The following CCDC3 variants were observed in gnomAD, a reference collection of about 807,000 sequenced individuals.
CCDC3 encodes coiled-coil domain-containing protein 3.
In CCDC3, 24 loss-of-function variants were observed where a neutral mutation model predicts 21.4. That is an observed-to-expected ratio of 1.12 (90% CI 0.81 to 1.58). The LOEUF (loss-of-function observed/expected upper bound fraction) is 1.58. CCDC3 is among the 40% of genes most tolerant of loss of function. CCDC3 has a pLI of 0.00. For missense variants in CCDC3, 425 were observed against 360.9 expected (o/e 1.18, Z -1.44); for synonymous variants, 186 against 166.0 (o/e 1.12, Z -0.93).
chr10:12,930,441 T>C (rs1410357614), intron 2 of CCDC3, among the ~76,000 whole-genome samples: 1 of 152,204 alleles, frequency 6.6e-6, no homozygotes, highest in Non-Finnish European at 1.5e-5. Flanking sequence ...AGAGTTCCCC[T>C]TGATTTACAA....
chr10:12,914,580 G>A (rs1564281361), intron 2 of CCDC3, among the ~76,000 whole-genome samples: 1 of 152,090 alleles, frequency 6.6e-6, no homozygotes, highest in Non-Finnish European at 1.5e-5. Flanking sequence ...AAGCAGCTGG[G>A]ACTACAGGCA....
At chr10:12,979,803 G>T (rs1296453732) in intron 2 of CCDC3, among the ~76,000 whole-genome samples, 3 of 152,126 alleles carry the variant, frequency 2.0e-5, no homozygotes, top group Non-Finnish European at 4.4e-5. Context: ...TTGCTTTTTG[G>T]TTAATGATAT....
intron 3 of CCDC3, among the ~76,000 whole-genome samples, chr10:13,090,091 C>CT (rs1231936142): frequency 0.061 from 6,485 of 106,296 alleles, 407 homozygotes; most frequent in Middle Eastern, 0.094. Flanking sequence ...CCGTTTCTTT[C>CT]TTTTTTTTTT....
intron 5 of CCDC3, among the ~76,000 whole-genome samples, chr10:13,048,163 AT>A (rs957085685): frequency 6.6e-6 from 1 of 151,794 alleles, no homozygotes; most frequent in Non-Finnish European, 1.5e-5. Context: ...TTTAAGCTTA[AT>A]TTTTTTTCTT....
chr10:13,080,808 T>C (rs1260507969), intron 3 of CCDC3, among the ~76,000 whole-genome samples: 1 of 152,194 alleles, frequency 6.6e-6, no homozygotes, highest in African/African-American at 2.4e-5. Flanking sequence ...GGCCAGGCAG[T>C]TGTTAGACAG....
At chr10:13,076,159 G>A (rs1045371104) in intron 3 of CCDC3, among the ~76,000 whole-genome samples, 5 of 152,202 alleles carry the variant, frequency 3.3e-5, no homozygotes, top group African/African-American at 1.2e-4. Flanking sequence ...CTCAGTATGG[G>A]CAGAAGAGTC....
intron 2 of CCDC3, among the ~76,000 whole-genome samples, chr10:12,989,701 C>A (rs111438500): frequency 1.3e-5 from 2 of 152,094 alleles, no homozygotes; most frequent in Non-Finnish European, 2.9e-5. Flanking sequence ...GGATTACAGG[C>A]GTGAGCCACT....
chr10:12,954,270 T>A (rs1835051344), intron 2 of CCDC3, among the ~76,000 whole-genome samples: 1 of 152,194 alleles, frequency 6.6e-6, no homozygotes, highest in Non-Finnish European at 1.5e-5. Context: ...CCATTATCTG[T>A]CCTATCCCAA....
chr10:12,932,953 A>G (rs367879624), intron 2 of CCDC3, among the ~76,000 whole-genome samples: 6 of 152,156 alleles, frequency 3.9e-5, no homozygotes, highest in African/African-American at 1.4e-4. Context: ...GTCATGATGA[A>G]TTGCATTAAT....
chr10:13,086,797 A>T (rs1837117129), intron 3 of CCDC3, among the ~76,000 whole-genome samples: 1 of 152,090 alleles, frequency 6.6e-6, no homozygotes, highest in Non-Finnish European at 1.5e-5. Context: ...CTAGTTTTCA[A>T]ATTTGTCACC....
intron 2 of CCDC3, among the ~76,000 whole-genome samples, chr10:12,944,584 T>C (rs1040476570): frequency 1.4e-5 from 2 of 145,404 alleles, no homozygotes; most frequent in Admixed American, 7.3e-5. Flanking sequence ...CCACCCACTT[T>C]GGGCACATGT....
In CCDC3 at chr10:12,966,038, C is replaced by A. The variant is rs924025202; in HGVS notation, c.549+32300G>T. On this transcript the variant is annotated intron_variant, in intron 2 of 2. Coordinates refer to ENST00000378825, the MANE Select transcript of CCDC3 (RefSeq NM_031455.4). ...CAGGCATTTTCTTAGGTCCCCTTTG[C>A]AAGCCTTTCACGAGATGTTCCCAAG... Among the ~76,000 whole-genome samples, 4 of 152,164 alleles carry A rather than the reference C, an allele frequency of 2.6e-5. No homozygotes were observed. In the East Asian group the frequency reaches 7.8e-4, roughly 30 times the overall value.
Position 13,001,594 on chromosome 10 carries a change from G to C in CCDC3, c.-24C>G, listed in dbSNP as rs546793450. The C allele has an allele frequency of 8.6e-7, 1 of 1,160,066 alleles. No individual in the cohort carries two copies. Among genetic ancestry groups the C allele is most frequent in the African/African-American group, 1.6e-5 (1 of 61,514 alleles). 71.9% of individuals were successfully genotyped at this position (1,160,066 alleles called of 1,614,324 possible). ...ATGCCGGGCCCTCCCGGGGCGCACGGGGCGGCGGCGGGGAGCCCGGGGAGC... is the reference window on the plus strand; with the variant it reads ...ATGCCGGGCCCTCCCGGGGCGCACGCGGCGGCGGCGGGGAGCCCGGGGAGC... On this transcript the variant is annotated 5_prime_UTR_variant, in exon 1 of 3. Transcript: ENST00000378825.
At chr10:12,921,072 TATG>T (rs1402585316) in intron 2 of CCDC3, among the ~76,000 whole-genome samples, 5 of 152,050 alleles carry the variant, frequency 3.3e-5, no homozygotes, top group Non-Finnish European at 5.9e-5. Context: ...AGCTACATAT[TATG>T]ATATTTGCCT....
chr10:12,910,999 A>G (rs117416659), intron 2 of CCDC3, among the ~76,000 whole-genome samples: 234 of 152,336 alleles, frequency 1.5e-3, no homozygotes, highest in Middle Eastern at 0.014. Flanking sequence ...AGAATTTTAA[A>G]TATGTCTGAA....
chr10:13,039,901 C>T (rs541505867), intron 5 of CCDC3, among the ~76,000 whole-genome samples: 1 of 151,408 alleles, frequency 6.6e-6, no homozygotes, highest in South Asian at 2.1e-4. Flanking sequence ...GCTGTTTGTC[C>T]TGCACAGAAA....
chr10:13,093,017 A>T (rs1048506163), intron 3 of CCDC3, among the ~76,000 whole-genome samples: 21 of 143,580 alleles, frequency 1.5e-4, no homozygotes, highest in African/African-American at 5.2e-4. Flanking sequence ...TCATGTATGA[A>T]CCCCTCACCT....
intron 5 of CCDC3, among the ~76,000 whole-genome samples, chr10:13,032,247 T>G (rs1270672412): frequency 6.6e-6 from 1 of 152,062 alleles, no homozygotes; most frequent in Non-Finnish European, 1.5e-5. Context: ...AAAACCACGA[T>G]TATCTCAATA....
rs139652964 is a variant in CCDC3 at position 12,908,859 on chromosome 10, T to C, written c.550-10180A>G. Among the ~76,000 whole-genome samples, 527 of 152,224 alleles carry C rather than the reference T, an allele frequency of 3.5e-3. 10 individuals are homozygous for C. In the East Asian group the frequency reaches 0.057, roughly 16 times the overall value. ...ATCCGCCTTGGCCTCCCAAAGTGCTTGGGTTTACAGGTGTGGACCACGGCG... is the reference window on the plus strand; with the variant it reads ...ATCCGCCTTGGCCTCCCAAAGTGCTCGGGTTTACAGGTGTGGACCACGGCG... On this transcript the variant is annotated intron_variant, in intron 2 of 2. Coordinates refer to ENST00000378825, the MANE Select transcript of CCDC3 (RefSeq NM_031455.4).
Sources: gnomAD v4.1 joint callset for allele counts (sites outside exome capture counted in the v4.1 genomes callset) on GRCh38, gnomAD v4.1.1 for gene constraint, MANE v1.5 for transcripts, NCBI Gene and HGNC (gene_info 2026-07-23, HGNC 2026-07-21) for gene names.